NADSYN1: variants seen among roughly 807,000 people sequenced by gnomAD.
NADSYN1 encodes glutamine-dependent NAD(+) synthetase.
Under a neutral mutation model 99.3 loss-of-function variants are expected in NADSYN1, and 80 were observed. That is an observed-to-expected ratio of 0.81 (90% CI 0.67 to 0.97). The LOEUF (loss-of-function observed/expected upper bound fraction) is 0.97. NADSYN1 is among the 50% of genes least tolerant of loss of function. The pLI is 0.00. For missense variants in NADSYN1, 859 were observed against 948.5 expected, an observed-to-expected ratio of 0.91 and a Z score of 1.24; for synonymous variants, 385 against 372.1, an observed-to-expected ratio of 1.03 and a Z score of -0.40.
intron 18 of NADSYN1, among the ~76,000 whole-genome samples, chr11:71,495,717 C>T (rs1006389882): frequency 4.5e-4 from 68 of 152,244 alleles, no homozygotes; most frequent in African/African-American, 1.5e-3. Context: ...GCCACTTGTG[C>T]GCAACCCGTC....
At position 71,483,083 on chromosome 11, in the gene NADSYN1, C is replaced by T. The variant is rs148434116; in HGVS notation, c.1319+66C>T. 993 of 1,579,638 alleles carry T rather than the reference C, an allele frequency of 6.3e-4. 5 individuals are homozygous for T. The African/African-American group carries it at 0.012, about 19-fold the overall frequency. On this transcript the variant is annotated intron_variant, in intron 14 of 20. Coordinates refer to ENST00000319023, the MANE Select transcript of NADSYN1 (RefSeq NM_018161.5). ...CAGAGCTCAGAGTCACTGGAAGCTCCGCCTGTGAGTGCATTGGTGACTGGC... is the reference window on the plus strand; with the variant it reads ...CAGAGCTCAGAGTCACTGGAAGCTCTGCCTGTGAGTGCATTGGTGACTGGC...
At chr11:71,482,307 C>T (rs572959921) in intron 13 of NADSYN1, among the ~76,000 whole-genome samples, 44 of 152,298 alleles carry the variant, frequency 2.9e-4, no homozygotes, top group Non-Finnish European at 5.6e-4. Flanking sequence ...AGAACACAGG[C>T]GTCGGAGGTT....
At chr11:71,461,764 CCACT>C (rs1565596454) in intron 3 of NADSYN1, among the ~76,000 whole-genome samples, 1 of 152,196 alleles carries the variant, frequency 6.6e-6, no homozygotes, top group Admixed American at 6.5e-5. Flanking sequence ...TCATGAGAAC[CCACT>C]CACTCACTGT....
At chr11:71,467,402 A>G (rs527650016) in intron 5 of NADSYN1, among the ~76,000 whole-genome samples, 1 of 152,198 alleles carries the variant, frequency 6.6e-6, no homozygotes, top group African/African-American at 2.4e-5. Flanking sequence ...GAGTCCAGTC[A>G]TAAAACATAC....
chr11:71,491,446 C>CAGG (rs1949778583), intron 17 of NADSYN1, among the ~76,000 whole-genome samples: 7 of 97,462 alleles, frequency 7.2e-5, no homozygotes, highest in Non-Finnish European at 1.6e-4. Context: ...ACATGCTTAG[C>CAGG]TTCGCCACAC....
chr11:71,473,445 T>TGGGGCC, intron 7 of NADSYN1, 79 bp downstream of exon 7: 9 of 1,554,124 alleles, frequency 5.8e-6, no homozygotes, highest in South Asian at 5.6e-5. Context: ...GCAGACGTCC[T>TGGGGCC]GGGGCCGTGG....
chr11:71,476,806 G>T, intron 9 of NADSYN1: 2 of 985,818 alleles, frequency 2.0e-6, no homozygotes, highest in South Asian at 4.7e-5. Flanking sequence ...ACCCCCGCAG[G>T]TTCCCGGCCC....
intron 2 of NADSYN1, among the ~76,000 whole-genome samples, chr11:71,457,428 A>T (rs1341031496): frequency 6.6e-6 from 1 of 152,138 alleles, no homozygotes; most frequent in Non-Finnish European, 1.5e-5. Flanking sequence ...TAGAAAGGAG[A>T]ACTTCTTGAA....
At chr11:71,480,923 G>T (rs573226033) in intron 11 of NADSYN1, 44 bp downstream of exon 11, 1 of 1,608,334 alleles carries the variant, frequency 6.2e-7, no homozygotes, top group South Asian at 1.1e-5. Flanking sequence ...CGTCTGTGTG[G>T]CCACGCCCCT....
intron 12 of NADSYN1, 60 bp from the exon 13 acceptor site, chr11:71,481,863 A>G (rs1949710138): frequency 6.7e-7 from 1 of 1,489,304 alleles, no homozygotes; most frequent in East Asian, 2.4e-5. Context: ...AGCTTGGCTG[A>G]TCCATGGGCA....
rs767838029 is a variant in NADSYN1 at position 71,480,762 on chromosome 11, G to A, written c.881G>A (p.Arg294Lys). ...EISSRNLAASRASPYPRVKVD... is the reference protein window; with the variant it reads ...EISSRNLAASKASPYPRVKVD... ...TTGAATCTCCATTGCCAGGCCAGCA[G>A]GGCGAGCCCCTACCCCAGAGTGAAG... The change falls in exon 11 of 21, where the codon AGG becomes AAG. Residue 294 changes from arginine to lysine, a missense_variant. Arg to Lys is a conservative substitution (Grantham distance 26). Transcript: ENST00000319023. 12 of 1,614,160 alleles carry A rather than the reference G, an allele frequency of 7.4e-6. No individual in the cohort carries two copies. The South Asian group carries it at 1.3e-4, about 18-fold the overall frequency.
At chr11:71,475,932 G>T (rs561401925) in intron 9 of NADSYN1, 1 of 432,516 alleles carries the variant, frequency 2.3e-6, no homozygotes, top group Non-Finnish European at 4.6e-6. Flanking sequence ...CCGGCTGGTC[G>T]CAAACTCCTG....
intron 15 of NADSYN1, 177 bp downstream of exon 15, chr11:71,484,624 C>T (rs1041356420): frequency 7.8e-6 from 7 of 892,326 alleles, no homozygotes; most frequent in East Asian, 2.7e-5. Flanking sequence ...CTGAAGACGT[C>T]GGTCATGCAG....
chr11:71,469,137 G>T (rs192617526), intron 5 of NADSYN1, among the ~76,000 whole-genome samples: 2 of 151,922 alleles, frequency 1.3e-5, no homozygotes, highest in African/African-American at 4.8e-5. Flanking sequence ...AGAGCAAAAG[G>T]CCACAAATAG....
intron 8 of NADSYN1, among the ~76,000 whole-genome samples, chr11:71,474,044 C>T (rs966232701): frequency 1.4e-4 from 22 of 152,186 alleles, no homozygotes; most frequent in Admixed American, 9.8e-4. Context: ...TCATCCTTCA[C>T]GGGGCAGATG....
chr11:71,464,323 A>T (rs1334937058), intron 5 of NADSYN1, 181 bp downstream of exon 5: 4 of 559,342 alleles, frequency 7.2e-6, no homozygotes, highest in African/African-American at 1.9e-5. Context: ...CAAAGGAGAG[A>T]GTGATTGAAA....
chr11:71,473,038 C>T (rs1046125883), intron 6 of NADSYN1, among the ~76,000 whole-genome samples: 2 of 152,202 alleles, frequency 1.3e-5, no homozygotes, highest in Non-Finnish European at 2.9e-5. Context: ...ACATTCTGCC[C>T]CTTGGCTGCT....
At chr11:71,476,337 G>A (rs1279957637) in intron 9 of NADSYN1, 4 of 354,698 alleles carry the variant, frequency 1.1e-5, no homozygotes, top group African/African-American at 2.1e-5. Context: ...GGAGCAGGGC[G>A]AGCTTGTGTC....
intron 11 of NADSYN1, 23 bp downstream of exon 11, chr11:71,480,902 G>A (rs770004971): frequency 1.2e-6 from 2 of 1,612,426 alleles, no homozygotes; most frequent in Non-Finnish European, 1.7e-6. Context: ...TGACCCCTGG[G>A]AGGGACCTGG....
Sources: allele counts gnomAD v4.1 joint callset (sites outside exome capture counted in the v4.1 genomes callset), GRCh38; gene constraint gnomAD v4.1.1; transcripts MANE v1.5; gene names NCBI Gene and HGNC (gene_info 2026-07-23, HGNC 2026-07-21).